DNAH17: variants seen among roughly 807,000 people sequenced by gnomAD.
DNAH17 encodes the protein dynein axonemal heavy chain 17.
Under a neutral mutation model 485.6 loss-of-function variants are expected in DNAH17, and 376 were observed. The ratio of observed to expected loss-of-function variants is 0.77; its 90% CI spans 0.71 to 0.84. The LOEUF is 0.84. Ranked by LOEUF, DNAH17 falls within the 40% of genes least tolerant of loss-of-function variation. The pLI, the probability that DNAH17 is intolerant of heterozygous loss-of-function variation, is 0.00. For missense variants in DNAH17, 6,370 were observed against 5,839.3 expected, an observed-to-expected ratio of 1.09 and a Z score of -2.96; for synonymous variants, 3,031 against 2,405.9, an observed-to-expected ratio of 1.26 and a Z score of -7.60.
At chr17:78,538,666 C>T (rs931363719) in intron 18 of DNAH17, among the ~76,000 whole-genome samples, 10 of 152,184 alleles carry the variant, frequency 6.6e-5, no homozygotes, top group African/African-American at 2.4e-4. Flanking sequence ...TTGAGGAGAA[C>T]CCTTTGTTAC....
intron 44 of DNAH17, among the ~76,000 whole-genome samples, 175 bp downstream of exon 44, chr17:78,490,524 A>G (rs1157996088): frequency 6.9e-6 from 1 of 145,974 alleles, no homozygotes; most frequent in East Asian, 2.0e-4. Flanking sequence ...CTGTGAATTT[A>G]CACCATTTAT....
rs1383564004 is a variant in DNAH17 at position 78,544,904 on chromosome 17, C to G, written c.2392-907G>C. Among the ~76,000 whole-genome samples the G allele has an allele frequency of 1.5e-4, 22 of 151,532 alleles. 1 individual carries two copies. The highest frequency in any genetic ancestry group is 2.9e-5 in the Non-Finnish European group (2 of 67,962). On this transcript the variant is annotated intron_variant, in intron 16 of 80. Transcript: ENST00000389840. ...TTAGATTTTTTTTCCCTACACATCT[C>G]CATTAAAGTGATACATATATGGTAA...
At chr17:78,538,432 A>C (rs1488326320) in intron 18 of DNAH17, among the ~76,000 whole-genome samples, 2 of 152,200 alleles carry the variant, frequency 1.3e-5, no homozygotes, top group African/African-American at 2.4e-5. Context: ...CTGTGAGATC[A>C]CACTGTGGCC....
Position 78,500,035 on chromosome 17 carries a change from T to C in DNAH17, c.5640+270A>G, listed in dbSNP as rs534121304. ...GCGGAGTCCCCAGTTCGGGGCAATC[T>C]TAACAACTGAAATTGAGAGAGGGTC... On this transcript the variant is annotated intron_variant, in intron 36 of 80. Transcript: ENST00000389840. 7.3e-6 allele frequency: 3 copies of C among 412,240 alleles called. No individual in the cohort carries two copies. The East Asian group carries it at 1.5e-4, about 20-fold the overall frequency. 25.5% of individuals were successfully genotyped at this position (412,240 alleles called of 1,614,324 possible). A position where few individuals can be genotyped will look rare whatever the true frequency, so the allele number is the denominator to read the frequency against.
intron 8 of DNAH17, 35 bp from the exon 9 acceptor site, chr17:78,569,287 G>C (rs766854498): frequency 6.3e-7 from 1 of 1,596,246 alleles, no homozygotes; most frequent in South Asian, 1.1e-5. Flanking sequence ...GGCCACGTTT[G>C]CTTCAAATGT....
At chr17:78,562,954 A>C (rs904301898) in intron 11 of DNAH17, among the ~76,000 whole-genome samples, 1 of 152,142 alleles carries the variant, frequency 6.6e-6, no homozygotes, top group Non-Finnish European at 1.5e-5. Context: ...GGCTGCCATA[A>C]CCCACGCCCA....
At chr17:78,527,143 G>A (rs777375462) in intron 22 of DNAH17, 147 bp from the exon 23 acceptor site, 2 of 632,532 alleles carry the variant, frequency 3.2e-6, no homozygotes, top group Non-Finnish European at 5.3e-6. Flanking sequence ...AGCACTTTGG[G>A]AGGCTGAGAT....
At position 78,429,131 on chromosome 17, in the gene DNAH17, A is replaced by G; in HGVS notation, c.12395T>C (p.Leu4132Pro). The G allele has an allele frequency of 1.2e-6, 2 of 1,612,700 alleles. No individual in the cohort carries two copies. The highest frequency in any genetic ancestry group is 1.7e-6 in the Non-Finnish European group (2 of 1,179,464). Residue 4132 changes from leucine (L) to proline (P), a missense_variant, in exon 76 of 81, where the codon CTG becomes CCG. Coordinates refer to ENST00000389840, the MANE Select transcript of DNAH17 (RefSeq NM_173628.4). Reference sequence around the variant, plus strand: ...ACTTGTCATCCTTACCTTGTAGTCCAGGTTGGGGGGGATCTGAAAGCCGGG... The same window carrying G: ...ACTTGTCATCCTTACCTTGTAGTCCGGGTTGGGGGGGATCTGAAAGCCGGG... ...LAPGFQIPPN[L>P]DYKGYHEYID... is the part of the protein sequence containing the mutation.
In DNAH17 at chr17:78,459,106, G is replaced by A. The variant is rs769598646; in HGVS notation, c.9756C>T (p.Tyr3252=). 1.3e-5 allele frequency: 21 copies of A among 1,613,882 alleles called. No homozygotes were observed. In the Admixed American group the frequency reaches 1.8e-4, roughly 14 times the overall value. Residue 3252 remains tyrosine, a synonymous_variant, in exon 61 of 81, where the codon TAC becomes TAT. Transcript: ENST00000389840. The part of the protein sequence containing the change: ...CSWCINIVRF[Y]EVYCDVAPKR... The stretch of plus-strand genomic sequence containing the variant: ...TGGGCGCCACGTCGCAGTAGACCTC[G>A]TAGAAGCGGACGATGTTGATGCACC...
At position 78,437,870 on chromosome 17, in the gene DNAH17, T is replaced by C. The variant is rs2086902873; in HGVS notation, c.11806-2A>G. The C allele has an allele frequency of 2.5e-6, 4 of 1,606,218 alleles. No individual in the cohort carries two copies. Among genetic ancestry groups the C allele is most frequent in the Non-Finnish European group, 3.4e-6 (4 of 1,175,802 alleles). ...CCACCGGGCCACCAGGTGGATATTCTGCAGCCAAGACTAGAGGCTGGTTAC... is the reference window on the plus strand; with the variant it reads ...CCACCGGGCCACCAGGTGGATATTCCGCAGCCAAGACTAGAGGCTGGTTAC... On this transcript the variant is annotated splice_acceptor_variant, in intron 73 of 80. Coordinates refer to ENST00000389840, the MANE Select transcript of DNAH17 (RefSeq NM_173628.4). LOFTEE classifies it high-confidence loss of function.
At chr17:78,545,539 T>A (rs1346718549) in intron 16 of DNAH17, among the ~76,000 whole-genome samples, 3 of 152,130 alleles carry the variant, frequency 2.0e-5, no homozygotes, top group Non-Finnish European at 4.4e-5. Flanking sequence ...CTCTCTCATG[T>A]CTGTTGCTAT....
chr17:78,528,654 G>C (rs975869500), intron 22 of DNAH17, among the ~76,000 whole-genome samples: 3 of 152,002 alleles, frequency 2.0e-5, no homozygotes, highest in African/African-American at 7.2e-5. Context: ...ATGAGGGAGC[G>C]GGGTCTCCTC....
chr17:78,533,897 G>A (rs1453167504), intron 19 of DNAH17, among the ~76,000 whole-genome samples: 1 of 152,070 alleles, frequency 6.6e-6, no homozygotes, highest in Non-Finnish European at 1.5e-5. Context: ...TGTTGGTCAG[G>A]CTGGTCTCAA....
At chr17:78,475,211 G>A in intron 54 of DNAH17, 67 bp downstream of exon 54, 1 of 1,545,382 alleles carries the variant, frequency 6.5e-7, no homozygotes, top group Middle Eastern at 1.8e-4. Flanking sequence ...TTGGAAAAGG[G>A]AGTGAAGTTT....
At chr17:78,521,449 T>C (rs2090932016) in intron 25 of DNAH17, among the ~76,000 whole-genome samples, 1 of 152,154 alleles carries the variant, frequency 6.6e-6, no homozygotes, top group Non-Finnish European at 1.5e-5. Context: ...CCGACTTGTC[T>C]ACAAACATGC....
At position 78,558,032 on chromosome 17, in the gene DNAH17, A is replaced by G. The variant is rs62075923; in HGVS notation, c.2178+76T>C. On this transcript the variant is annotated intron_variant, in intron 14 of 80. Transcript: ENST00000389840. ...TTCCCAGGAAGAGCCACATCTCTGA[A>G]ACACACAAACAAACTTGACAAAAAA... 933,994 of 1,495,240 alleles carry G rather than the reference A, an allele frequency of 0.62. 294,832 individuals are homozygous for G. Among genetic ancestry groups the G allele is most frequent in the Non-Finnish European group, 0.65 (720,570 of 1,113,568 alleles). 92.6% of individuals were successfully genotyped at this position (1,495,240 alleles called of 1,614,324 possible).
intron 26 of DNAH17, among the ~76,000 whole-genome samples, chr17:78,514,522 A>AAAT (rs2090726369): frequency 6.7e-6 from 1 of 149,038 alleles, no homozygotes; most frequent in South Asian, 2.1e-4. Context: ...AAAAAAAAAA[A>AAAT]GAAAAAGAAA....
chr17:78,431,242 C>T (rs991621165), intron 75 of DNAH17, among the ~76,000 whole-genome samples: 27 of 152,238 alleles, frequency 1.8e-4, no homozygotes, highest in African/African-American at 5.8e-4. Context: ...CGACTTACAA[C>T]CTTCTCTGTC....
chr17:78,573,289 G>A (rs549429562), intron 2 of DNAH17, among the ~76,000 whole-genome samples: 49 of 152,298 alleles, frequency 3.2e-4, no homozygotes, highest in African/African-American at 1.2e-3. Flanking sequence ...ACTATTTGGA[G>A]ATAGGGTCTT....
Sources: gnomAD v4.1 joint callset for allele counts (sites outside exome capture counted in the v4.1 genomes callset) on GRCh38, gnomAD v4.1.1 for gene constraint, MANE v1.5 for transcripts, NCBI Gene and HGNC (gene_info 2026-07-23, HGNC 2026-07-21) for gene names.